Variants in GRIP1 observed in about 807,000 individuals in gnomAD.
GRIP1 encodes the protein glutamate receptor interacting protein 1, also known as glutamate receptor-interacting protein 1.
Under a neutral mutation model 129.9 loss-of-function variants are expected in GRIP1, and 45 were observed. The ratio of observed to expected loss-of-function variants is 0.35; its 90% confidence interval spans 0.27 to 0.44. The LOEUF is 0.44. Ranked by LOEUF, GRIP1 falls within the 20% of genes least tolerant of loss-of-function variation. The probability of loss-of-function intolerance (pLI) is 1.00; values close to 1 mark genes in which losing one functional copy is unlikely to be tolerated. For synonymous variants in GRIP1, 530 were observed against 520.8 expected (o/e 1.02, Z -0.24); for missense variants, 1,196 against 1,396.8 (o/e 0.86, Z 2.29).
At chr12:66,478,757 T>C (rs905081696) in intron 7 of GRIP1, among the ~76,000 whole-genome samples, 4 of 152,036 alleles carry the variant, frequency 2.6e-5, no homozygotes, top group African/African-American at 9.7e-5. Flanking sequence ...GAAACCATCA[T>C]TCTCAGCAAA....
intron 2 of GRIP1, among the ~76,000 whole-genome samples, chr12:66,583,465 C>T (rs369998073): frequency 7.7e-6 from 1 of 130,074 alleles, no homozygotes; most frequent in East Asian, 2.3e-4. Context: ...TCAGAGTGAA[C>T]AGGCAACCTA....
At chr12:66,743,300 T>G (rs2036845105) in intron 1 of GRIP1, among the ~76,000 whole-genome samples, 1 of 152,036 alleles carries the variant, frequency 6.6e-6, no homozygotes, top group Non-Finnish European at 1.5e-5. Context: ...TGAGAACCAC[T>G]GGGCGAGTGG....
intron 14 of GRIP1, among the ~76,000 whole-genome samples, chr12:66,423,473 G>A (rs1268231558): frequency 6.6e-6 from 1 of 152,190 alleles, no homozygotes; most frequent in Admixed American, 6.6e-5. Flanking sequence ...CTCACTCACT[G>A]AGTTGCCTCA....
chr12:66,448,711 C>G (rs1200093578), intron 11 of GRIP1, among the ~76,000 whole-genome samples: 4 of 152,152 alleles, frequency 2.6e-5, no homozygotes, highest in Non-Finnish European at 5.9e-5. Context: ...CTTATTGCCA[C>G]TACTACAGAG....
At chr12:66,844,192 T>C (rs1173758543) in intron 1 of GRIP1, among the ~76,000 whole-genome samples, 1 of 151,818 alleles carries the variant, frequency 6.6e-6, no homozygotes, top group Non-Finnish European at 1.5e-5. Context: ...CACACAAAAA[T>C]ATGCTCAACA....
chr12:66,917,544 T>A (rs2041144316), intron 1 of GRIP1, among the ~76,000 whole-genome samples: 1 of 152,230 alleles, frequency 6.6e-6, no homozygotes. Context: ...AATTTGTGTA[T>A]GACATTAATT....
At chr12:66,789,830 C>T (rs1411610821) in intron 1 of GRIP1, among the ~76,000 whole-genome samples, 3 of 152,000 alleles carry the variant, frequency 2.0e-5, no homozygotes, top group African/African-American at 4.8e-5. Context: ...ATGAAAATTA[C>T]AAGGAACATG....
intron 1 of GRIP1, among the ~76,000 whole-genome samples, chr12:66,894,426 G>C (rs1378653854): frequency 1.3e-5 from 2 of 152,110 alleles, no homozygotes; most frequent in Admixed American, 1.3e-4. Flanking sequence ...CTACAACCAA[G>C]GTCCTCTATG....
intron 7 of GRIP1, among the ~76,000 whole-genome samples, chr12:66,471,455 G>C (rs2059436468): frequency 6.6e-6 from 1 of 152,204 alleles, no homozygotes; most frequent in South Asian, 2.1e-4. Context: ...GCTGGAGTTA[G>C]ACAGAGGGAA....
rs113754187 is a variant in GRIP1, at chr12:66,917,787, C to A, written c.58+151263G>T. The stretch of plus-strand genomic sequence containing the variant: ...ATCAGATATTCTAGAGAACATTAAA[C>A]TGGACAAATTAAGTCATTTTATATA... On this transcript the variant is annotated intron_variant, in intron 1 of 1. Transcript: ENST00000643019. 3.1e-3 allele frequency among the ~76,000 whole-genome samples: 479 copies of A among 152,238 alleles called. 1 individual carries two copies. Among genetic ancestry groups the A allele is most frequent in the African/African-American group, 0.011 (457 of 41,548 alleles).
At chr12:66,515,544 A>T in intron 7 of GRIP1, 75 bp downstream of exon 7, 1 of 1,339,996 alleles carries the variant, frequency 7.5e-7, no homozygotes, top group Non-Finnish European at 1.1e-6. Flanking sequence ...TACATACTTA[A>T]TCCAACATGG....
chr12:66,660,579 C>A (rs1202169336), intron 1 of GRIP1, among the ~76,000 whole-genome samples: 1 of 152,064 alleles, frequency 6.6e-6, no homozygotes, highest in Non-Finnish European at 1.5e-5. Context: ...AACCATAAGA[C>A]TACATAATAA....
At chr12:67,006,447 C>G (rs963343291) in intron 1 of GRIP1, among the ~76,000 whole-genome samples, 7 of 152,124 alleles carry the variant, frequency 4.6e-5, no homozygotes, top group African/African-American at 1.7e-4. Flanking sequence ...CATCTATAGT[C>G]CCAGCTACCG....
At chr12:66,658,451 A>T (rs1028593920) in intron 1 of GRIP1, among the ~76,000 whole-genome samples, 1 of 152,096 alleles carries the variant, frequency 6.6e-6, no homozygotes, top group Non-Finnish European at 1.5e-5. Flanking sequence ...TGGATATGAT[A>T]AGCAACCAAC....
intron 23 of GRIP1, among the ~76,000 whole-genome samples, chr12:66,364,265 C>CAAAAAAAAAAAAA (rs1159887365): frequency 1.2e-4 from 2 of 16,338 alleles, no homozygotes; most frequent in Admixed American, 9.4e-4. Context: ...GACTCCATCT[C>CAAAAAAAAAAAAA]AAAAAAAAAA....
At chr12:66,736,995 T>G (rs1460107094) in intron 1 of GRIP1, among the ~76,000 whole-genome samples, 2 of 151,920 alleles carry the variant, frequency 1.3e-5, no homozygotes, top group Non-Finnish European at 2.9e-5. Flanking sequence ...TGACAACTAT[T>G]CATCAGGGAT....
At chr12:67,048,368 C>T (rs7309063) in intron 1 of GRIP1, among the ~76,000 whole-genome samples, 41,554 of 152,020 alleles carry the variant, frequency 0.27, 6,002 homozygotes, top group East Asian at 0.4. Context: ...AGATATGCAC[C>T]GTTCACACTT....
chr12:66,615,288 A>G (rs1201565681), intron 1 of GRIP1, among the ~76,000 whole-genome samples: 3 of 152,174 alleles, frequency 2.0e-5, no homozygotes, highest in African/African-American at 7.2e-5. Flanking sequence ...GTTTTTTGTC[A>G]TAGAGTTCAA....
intron 15 of GRIP1, among the ~76,000 whole-genome samples, chr12:66,415,512 C>T (rs1196977240): frequency 1.3e-5 from 2 of 152,054 alleles, no homozygotes; most frequent in Non-Finnish European, 2.9e-5. Context: ...GACAGTGTGG[C>T]GATTCCTCAA....
Sources: gnomAD v4.1 joint callset for allele counts (sites outside exome capture counted in the v4.1 genomes callset) on GRCh38, gnomAD v4.1.1 for gene constraint, MANE v1.5 for transcripts, NCBI Gene and HGNC (gene_info 2026-07-23, HGNC 2026-07-21) for gene names.